Variants in PANK2 observed in about 807,000 individuals in gnomAD.
PANK2 encodes the protein pantothenate kinase 2, mitochondrial.
In PANK2, 36 loss-of-function variants were observed where a neutral mutation model predicts 43.1. That is an observed-to-expected ratio of 0.84 (90% CI 0.64 to 1.10). The LOEUF is 1.10. PANK2 is among the 50% of genes least tolerant of loss of function. The pLI, the probability that PANK2 is intolerant of heterozygous loss-of-function variation, is 0.00. For missense variants in PANK2, 576 were observed against 593.3 expected (o/e 0.97, Z 0.30); for synonymous variants, 281 against 238.2 (o/e 1.18, Z -1.66).
chr20:3,904,067 A>G (rs1331884946), intron 1 of PANK2, among the ~76,000 whole-genome samples: 1 of 151,772 alleles, frequency 6.6e-6, no homozygotes, highest in African/African-American at 2.4e-5. Context: ...AAGTGCTGGG[A>G]TTACATTCTT....
chr20:3,894,178 G>A (rs1303353540), intron 1 of PANK2, among the ~76,000 whole-genome samples: 1 of 150,826 alleles, frequency 6.6e-6, no homozygotes, highest in Admixed American at 6.6e-5. Flanking sequence ...TGATCCATTT[G>A]CCTCAGCCTC....
intron 2 of PANK2, chr20:3,908,994 C>G (rs980766473): frequency 2.0e-5 from 3 of 152,780 alleles, no homozygotes; most frequent in Admixed American, 6.5e-5. Flanking sequence ...AGATCCTGAC[C>G]GTCAGGGTGC....
intron 1 of PANK2, among the ~76,000 whole-genome samples, chr20:3,899,263 C>T (rs1188281515): frequency 6.6e-6 from 1 of 151,426 alleles, no homozygotes; most frequent in Non-Finnish European, 1.5e-5. Flanking sequence ...CCTCCACCTC[C>T]TGGGTTCAAG....
chr20:3,911,649 T>A (rs555148144), intron 3 of PANK2, among the ~76,000 whole-genome samples: 1 of 151,958 alleles, frequency 6.6e-6, no homozygotes, highest in African/African-American at 2.4e-5. Flanking sequence ...CCCAGCACTT[T>A]GGGAGGCCGA....
chr20:3,893,861 T>C (rs1386586474), intron 1 of PANK2, among the ~76,000 whole-genome samples: 1 of 150,986 alleles, frequency 6.6e-6, no homozygotes, highest in Non-Finnish European at 1.5e-5. Context: ...TGAGGAAAAA[T>C]GTTAGATTGC....
intron 1 of PANK2, among the ~76,000 whole-genome samples, chr20:3,893,696 AC>A (rs1267451272): frequency 1.3e-5 from 2 of 152,106 alleles, no homozygotes; most frequent in Non-Finnish European, 2.9e-5. Flanking sequence ...TTGTAGCTTG[AC>A]AACACTAGCC....
intron 1 of PANK2, 67 bp from the exon 2 acceptor site, chr20:3,907,859 A>C (rs535325949): frequency 1.5e-6 from 2 of 1,366,032 alleles, no homozygotes; most frequent in African/African-American, 1.4e-5. Flanking sequence ...ATAAGTTGCT[A>C]CTGTGGTAAG....
At chr20:3,889,157 C>G (rs1258943762), upstream of PANK2, 1 of 1,594,992 alleles carries the variant, frequency 6.3e-7, no homozygotes, top group Non-Finnish European at 8.5e-7. Flanking sequence ...CGCCATCACT[C>G]TCTTCTGGGC....
intron 3 of PANK2, 50 bp from the exon 4 acceptor site, chr20:3,912,408 T>G (rs760036639): frequency 6.3e-7 from 1 of 1,590,668 alleles, no homozygotes; most frequent in Non-Finnish European, 8.6e-7. Context: ...AACTTCTTGT[T>G]CTTATTTTTA....
At chr20:3,917,403 G>A (rs1470336214) in intron 5 of PANK2, 2 of 534,010 alleles carry the variant, frequency 3.7e-6, no homozygotes, top group East Asian at 1.1e-4. Flanking sequence ...GCCCTAGGGA[G>A]GAATCCAGAG....
At chr20:3,895,430 C>T (rs2090189801) in intron 1 of PANK2, among the ~76,000 whole-genome samples, 2 of 150,604 alleles carry the variant, frequency 1.3e-5, no homozygotes, top group South Asian at 2.1e-4. Context: ...TTGCACTGAG[C>T]TATGATCATG....
Position 3,908,056 on chromosome 20 carries a change from C to T in PANK2, c.429C>T (p.Thr143=), listed in dbSNP as rs745569714. 2 of 1,614,132 alleles carry T rather than the reference C, an allele frequency of 1.2e-6. No individual in the cohort carries two copies. The highest frequency in any genetic ancestry group is 2.2e-5 in the East Asian group (1 of 44,886). Residue 143 remains threonine (T), a synonymous_variant, in exon 2 of 7, where the codon ACC becomes ACT. Coordinates refer to ENST00000610179, the MANE Select transcript of PANK2 (RefSeq NM_001386393.1). ...TTAAAAGCATTCGGAAGTACCTGAC[C>T]TCCAATGTGGCTTATGGGTCTACAG...
chr20:3,910,496 T>C, intron 2 of PANK2, 81 bp from the exon 3 acceptor site: 2 of 1,476,816 alleles, frequency 1.4e-6, no homozygotes, highest in Middle Eastern at 3.5e-4. Context: ...TTGTTTCACG[T>C]AGTGGGGATG....
chr20:3,889,915 G>GC (rs1048864756), intron 1 of PANK2, 187 bp downstream of exon 1: 68 of 1,530,866 alleles, frequency 4.4e-5, no homozygotes, highest in Middle Eastern at 3.3e-4. Context: ...ACCTTCGGGG[G>GC]CCCCCCCGCA....
intron 1 of PANK2, among the ~76,000 whole-genome samples, chr20:3,905,282 T>C (rs1600525908): frequency 1.3e-5 from 2 of 152,132 alleles, no homozygotes; most frequent in South Asian, 2.1e-4. Flanking sequence ...CCAGTTTTAA[T>C]AGCATTCCTC....
At position 3,923,393 on chromosome 20, in the gene PANK2, A is replaced by C. The variant is rs1482017816; in HGVS notation, c.*99A>C. 4 of 1,250,844 alleles carry C rather than the reference A, an allele frequency of 3.2e-6. No individual in the cohort carries two copies. In the African/African-American group the frequency reaches 6.0e-5, roughly 19 times the overall value. The allele number at this position is 1,250,844 out of a possible 1,614,324, so 77.5% of individuals were successfully genotyped here. A position where few individuals can be genotyped will look rare whatever the true frequency, so the allele number is the denominator to read the frequency against. On this transcript the variant is annotated 3_prime_UTR_variant, in exon 7 of 7. Transcript: ENST00000610179. ...CTCAATTTCATGACTGTACTACCTG[A>C]AACAAAGTGAGAAAGGACAGGTGTA... is the stretch of plus-strand genomic sequence containing the variant.
chr20:3,922,407 GTC>G (rs2090660538), intron 6 of PANK2, among the ~76,000 whole-genome samples: 1 of 152,198 alleles, frequency 6.6e-6, no homozygotes, highest in African/African-American at 2.4e-5. Context: ...AGTGCTTGTC[GTC>G]TCTCAGCTGC....
rs754523563 is a variant in PANK2, at chr20:3,889,414, C to T, written c.-17C>T. ...TCTGGCTGGACTGCCGCGGAGGAGGCGAGAAGGAATCCGACGCTGGGGGGC... is the reference window on the plus strand; with the variant it reads ...TCTGGCTGGACTGCCGCGGAGGAGGTGAGAAGGAATCCGACGCTGGGGGGC... On this transcript the variant is annotated 5_prime_UTR_variant, in exon 1 of 7. Transcript: ENST00000610179. 2 of 1,570,832 alleles carry T rather than the reference C, an allele frequency of 1.3e-6. No individual in the cohort carries two copies. Among genetic ancestry groups the T allele is most frequent in the Non-Finnish European group, 1.7e-6 (2 of 1,161,550 alleles).
intron 1 of PANK2, among the ~76,000 whole-genome samples, chr20:3,892,820 C>T (rs1405231142): frequency 2.0e-5 from 3 of 152,106 alleles, no homozygotes; most frequent in Non-Finnish European, 2.9e-5. Flanking sequence ...TGTTCTGTCA[C>T]GCGTTTCCTA....
Sources: allele counts gnomAD v4.1 joint callset (sites outside exome capture counted in the v4.1 genomes callset), GRCh38; gene constraint gnomAD v4.1.1; transcripts MANE v1.5; gene names NCBI Gene and HGNC (gene_info 2026-07-23, HGNC 2026-07-21).